Variants in SNTG1 observed in about 807,000 individuals in gnomAD.
SNTG1 encodes gamma-1-syntrophin.
Under a neutral mutation model 74.7 loss-of-function variants are expected in SNTG1, and 39 were observed. The observed-to-expected ratio is 0.52, with a 90% CI of 0.40 to 0.68. The LOEUF is 0.68. Among genes scored for constraint, SNTG1 ranks in the 30% least tolerant of loss-of-function variants. SNTG1 has a pLI of 0.00. For synonymous variants in SNTG1, 254 were observed against 217.1 expected, an observed-to-expected ratio of 1.17 and a Z score of -1.49; for missense variants, 685 against 609.5, an observed-to-expected ratio of 1.12 and a Z score of -1.30.
chr8:50,036,290 C>A (rs765519805), intron 1 of SNTG1, among the ~76,000 whole-genome samples: 3 of 152,178 alleles, frequency 2.0e-5, no homozygotes, highest in East Asian at 3.9e-4. Context: ...CGTCTCTATG[C>A]AGCTCCTGCA....
chr8:50,326,143 CTT>C (rs1333578015), intron 2 of SNTG1, among the ~76,000 whole-genome samples: 1 of 151,916 alleles, frequency 6.6e-6, no homozygotes, highest in Non-Finnish European at 1.5e-5. Flanking sequence ...TGTTCACTGT[CTT>C]TGCCTGTAAT....
At chr8:50,659,833 T>C (rs1266831197) in intron 15 of SNTG1, among the ~76,000 whole-genome samples, 1 of 152,184 alleles carries the variant, frequency 6.6e-6, no homozygotes, top group Non-Finnish European at 1.5e-5. Context: ...CCAAAATGGC[T>C]AATGAGATAG....
chr8:50,337,057 G>C (rs553202994), intron 2 of SNTG1, among the ~76,000 whole-genome samples: 30 of 152,178 alleles, frequency 2.0e-4, no homozygotes, highest in African/African-American at 7.0e-4. Flanking sequence ...AGTCCCCCTG[G>C]CTTTTTTCCC....
chr8:50,790,097 C>T (rs1411653556), intron 18 of SNTG1, among the ~76,000 whole-genome samples: 1 of 151,942 alleles, frequency 6.6e-6, no homozygotes, highest in East Asian at 1.9e-4. Flanking sequence ...TTCCTTCCCA[C>T]GGCCCTTTGA....
intron 1 of SNTG1, among the ~76,000 whole-genome samples, chr8:50,090,044 G>A (rs2079661058): frequency 6.6e-6 from 1 of 152,354 alleles, no homozygotes; most frequent in Non-Finnish European, 1.5e-5. Context: ...AGGGCCGTAA[G>A]AGTGTCGTCT....
intron 15 of SNTG1, among the ~76,000 whole-genome samples, chr8:50,682,695 A>G (rs1319457729): frequency 6.6e-6 from 1 of 151,674 alleles, no homozygotes; most frequent in Non-Finnish European, 1.5e-5. Context: ...TTCCAGTTTG[A>G]CTCCAAGTAA....
chr8:50,131,455 C>T (rs2081314110), intron 1 of SNTG1, among the ~76,000 whole-genome samples: 1 of 152,104 alleles, frequency 6.6e-6, no homozygotes, highest in Non-Finnish European at 1.5e-5. Flanking sequence ...TTTCACTCAG[C>T]AGAATGTCCT....
Position 50,629,165 on chromosome 8 carries a change from T to C in SNTG1, c.850-27744T>C, listed in dbSNP as rs369207252. Among the ~76,000 whole-genome samples, 16 of 152,298 alleles carry C rather than the reference T, an allele frequency of 1.1e-4. No individual in the cohort carries two copies. In the East Asian group the frequency reaches 2.5e-3, roughly 24 times the overall value. ...CTAATGCACAGCATGAGGACTATACTTAACAATACCGTGTTGCTCACTTGT... is the reference window on the plus strand; with the variant it reads ...CTAATGCACAGCATGAGGACTATACCTAACAATACCGTGTTGCTCACTTGT... On this transcript the variant is annotated intron_variant, in intron 13 of 18. Coordinates refer to ENST00000642720, the MANE Select transcript of SNTG1 (RefSeq NM_018967.5).
intron 2 of SNTG1, among the ~76,000 whole-genome samples, chr8:50,373,262 A>G (rs1202100821): frequency 6.6e-6 from 1 of 152,172 alleles, no homozygotes; most frequent in African/African-American, 2.4e-5. Context: ...AGATCCTCTT[A>G]TTTAAGGAAT....
At chr8:50,553,269 G>C (rs2094437742) in intron 12 of SNTG1, 90 bp downstream of exon 12, 2 of 1,497,130 alleles carry the variant, frequency 1.3e-6, no homozygotes, top group African/African-American at 2.8e-5. Flanking sequence ...CAACTGTTTG[G>C]TGTTCTTCTC....
chr8:50,687,297 A>T (rs568379726), intron 15 of SNTG1, among the ~76,000 whole-genome samples: 1 of 152,340 alleles, frequency 6.6e-6, no homozygotes, highest in South Asian at 2.1e-4. Flanking sequence ...GCAGTAGTAA[A>T]TCCTTAACTA....
intron 2 of SNTG1, among the ~76,000 whole-genome samples, chr8:50,392,589 C>T (rs1316900255): frequency 2.0e-5 from 3 of 152,058 alleles, no homozygotes; most frequent in Admixed American, 2.0e-4. Context: ...TCTAGTAGAA[C>T]CTGAGGAACT....
intron 2 of SNTG1, among the ~76,000 whole-genome samples, chr8:50,329,606 T>C (rs2090883188): frequency 6.6e-6 from 1 of 151,992 alleles, no homozygotes; most frequent in Non-Finnish European, 1.5e-5. Context: ...GGGCACGAGA[T>C]CCCAAGGCTA....
intron 1 of SNTG1, among the ~76,000 whole-genome samples, chr8:49,996,694 C>A (rs1381067665): frequency 6.6e-6 from 1 of 152,118 alleles, no homozygotes; most frequent in Admixed American, 6.6e-5. Flanking sequence ...TATGCCAACA[C>A]TTTTCACTAC....
chr8:50,088,831 C>G (rs1259258257), intron 1 of SNTG1, among the ~76,000 whole-genome samples: 1 of 148,208 alleles, frequency 6.7e-6, no homozygotes. Context: ...CCATACTGCC[C>G]AAGGTAATTT....
intron 1 of SNTG1, among the ~76,000 whole-genome samples, chr8:49,998,368 A>G (rs927077344): frequency 5.3e-5 from 8 of 152,148 alleles, no homozygotes; most frequent in Non-Finnish European, 1.2e-4. Context: ...AGTTTATAAA[A>G]CATATTTTTC....
intron 18 of SNTG1, among the ~76,000 whole-genome samples, chr8:50,777,544 G>A (rs975225470): frequency 2.4e-4 from 36 of 151,442 alleles, no homozygotes; most frequent in Non-Finnish European, 8.8e-5. Context: ...TAAGCATGGT[G>A]ATAATTGCTT....
intron 11 of SNTG1, among the ~76,000 whole-genome samples, chr8:50,550,765 A>G (rs2094420885): frequency 6.6e-6 from 1 of 152,016 alleles, no homozygotes; most frequent in South Asian, 2.1e-4. Flanking sequence ...TAAAAGTTTA[A>G]TGTCTCACAA....
At chr8:50,536,936 A>G in intron 11 of SNTG1, 128 bp downstream of exon 11, 1 of 1,169,060 alleles carries the variant, frequency 8.6e-7, no homozygotes. Flanking sequence ...GAAGAGCTTC[A>G]AAATAATAAT....
Sources: allele counts gnomAD v4.1 joint callset (sites outside exome capture counted in the v4.1 genomes callset), GRCh38; gene constraint gnomAD v4.1.1; transcripts MANE v1.5; gene names NCBI Gene and HGNC (gene_info 2026-07-23, HGNC 2026-07-21).